Variants in MAGI1 observed in about 807,000 individuals in gnomAD.
MAGI1 encodes membrane-associated guanylate kinase, WW and PDZ domain-containing protein 1.
Under a neutral mutation model 139.9 loss-of-function variants are expected in MAGI1, and 58 were observed. That is an observed-to-expected ratio of 0.41 (90% confidence interval 0.34 to 0.52). The LOEUF (loss-of-function observed/expected upper bound fraction) is 0.52. Among genes scored for constraint, MAGI1 ranks in the 20% least tolerant of loss-of-function variants. The probability of loss-of-function intolerance (pLI) is 0.12; values close to 1 mark genes in which losing one functional copy is unlikely to be tolerated. For synonymous variants in MAGI1, 812 were observed against 737.9 expected, an observed-to-expected ratio of 1.10 and a Z score of -1.63; for missense variants, 1,874 against 1,901.6, an observed-to-expected ratio of 0.99 and a Z score of 0.27.
At chr3:65,500,472 A>T (rs1187350865) in intron 2 of MAGI1, among the ~76,000 whole-genome samples, 1 of 152,208 alleles carries the variant, frequency 6.6e-6, no homozygotes, top group African/African-American at 2.4e-5. Context: ...CTGGCTTCAG[A>T]GACTCCTGCT....
intron 1 of MAGI1, among the ~76,000 whole-genome samples, chr3:65,755,195 G>A (rs988175308): frequency 2.0e-5 from 3 of 151,996 alleles, no homozygotes; most frequent in South Asian, 2.1e-4. Flanking sequence ...TGATCTGCCC[G>A]CCCCAGCCTC....
rs373866154 is a variant in MAGI1, at chr3:65,789,733, G to C, written c.314-167645C>G. On this transcript the variant is annotated intron_variant, in intron 1 of 22. Coordinates refer to ENST00000402939, the MANE Select transcript of MAGI1 (RefSeq NM_001033057.2). ...GCCCACGGCCCTATGGCTGCAATTA[G>C]GGACCTAAAACTGATGAGCACTAGG... Among the ~76,000 whole-genome samples, 7 of 152,264 alleles carry C rather than the reference G, an allele frequency of 4.6e-5. No homozygotes were observed. The East Asian group carries it at 1.4e-3, about 29-fold the overall frequency.
chr3:65,690,096 T>G (rs2088439525), intron 1 of MAGI1, among the ~76,000 whole-genome samples: 4 of 152,182 alleles, frequency 2.6e-5, no homozygotes, highest in Admixed American at 2.6e-4. Context: ...AGGAAAGGAC[T>G]CACTGGGCCC....
chr3:65,934,953 T>C (rs1202591214), intron 1 of MAGI1, among the ~76,000 whole-genome samples: 1 of 152,006 alleles, frequency 6.6e-6, no homozygotes, highest in East Asian at 1.9e-4. Context: ...ACAACACAGA[T>C]ACCAGTCCTG....
At chr3:65,677,623 A>C (rs573246219) in intron 1 of MAGI1, among the ~76,000 whole-genome samples, 6 of 152,194 alleles carry the variant, frequency 3.9e-5, no homozygotes, top group Non-Finnish European at 2.9e-5. Flanking sequence ...GAGAATCATC[A>C]CTTTGTGTTC....
chr3:65,687,064 G>A (rs1048347622), intron 1 of MAGI1, among the ~76,000 whole-genome samples: 23 of 152,242 alleles, frequency 1.5e-4, no homozygotes, highest in Admixed American at 7.2e-4. Context: ...ACGTGGTCAC[G>A]GAAGAGCAGT....
At chr3:65,791,498 A>G (rs2039768077) in intron 1 of MAGI1, among the ~76,000 whole-genome samples, 1 of 152,220 alleles carries the variant, frequency 6.6e-6, no homozygotes, top group African/African-American at 2.4e-5. Context: ...ACAAATGAGA[A>G]TATTTATTAT....
intron 1 of MAGI1, chr3:65,874,926 A>G (rs2060063076): frequency 6.6e-6 from 1 of 152,656 alleles, no homozygotes; most frequent in Non-Finnish European, 1.5e-5. Flanking sequence ...AGCCATTAAA[A>G]GGAATGAAAA....
chr3:65,418,958 T>C (rs1359959623), intron 12 of MAGI1, among the ~76,000 whole-genome samples: 1 of 152,188 alleles, frequency 6.6e-6, no homozygotes, highest in Non-Finnish European at 1.5e-5. Flanking sequence ...CACTGTCTTC[T>C]CTTGGGTTCT....
rs560265109 is a variant in MAGI1, at chr3:65,987,412, C to A, written c.313+50584G>T. ...ACAGACATTTGTAAGTCAACGAACA[C>A]AGTGCTTGGCATATGAAGCTAAGAT... On this transcript the variant is annotated intron_variant, in intron 1 of 22. Transcript: ENST00000402939. Among the ~76,000 whole-genome samples, 3 of 152,240 alleles carry A rather than the reference C, an allele frequency of 2.0e-5. No homozygotes were observed. In the South Asian group the frequency reaches 6.2e-4, roughly 32 times the overall value.
chr3:65,407,986 G>A (rs1945491043), intron 12 of MAGI1, among the ~76,000 whole-genome samples: 1 of 152,078 alleles, frequency 6.6e-6, no homozygotes. Flanking sequence ...CTGGGTCATG[G>A]CCTTGATTGA....
intron 1 of MAGI1, among the ~76,000 whole-genome samples, chr3:65,749,547 T>C (rs534349578): frequency 2.0e-4 from 31 of 152,094 alleles, no homozygotes; most frequent in African/African-American, 7.5e-4. Flanking sequence ...GGATGAGGGA[T>C]AAAAGACTAC....
At chr3:65,988,561 G>C (rs1232548776) in intron 1 of MAGI1, among the ~76,000 whole-genome samples, 1 of 152,124 alleles carries the variant, frequency 6.6e-6, no homozygotes, top group Non-Finnish European at 1.5e-5. Flanking sequence ...ACACAACAAA[G>C]AACACAATGA....
chr3:65,881,066 T>C (rs1050826981), intron 1 of MAGI1, among the ~76,000 whole-genome samples: 7 of 151,990 alleles, frequency 4.6e-5, no homozygotes. Context: ...TAGTATTTTT[T>C]GTAGATACAG....
intron 7 of MAGI1, among the ~76,000 whole-genome samples, chr3:65,444,766 T>C (rs1269042006): frequency 6.6e-6 from 1 of 152,056 alleles, no homozygotes; most frequent in African/African-American, 2.4e-5. Flanking sequence ...AACTTAATAT[T>C]CTAGAGTTGA....
At chr3:65,792,839 G>A (rs567022515) in intron 1 of MAGI1, among the ~76,000 whole-genome samples, 1 of 152,190 alleles carries the variant, frequency 6.6e-6, no homozygotes, top group South Asian at 2.1e-4. Flanking sequence ...ACAGTTGACC[G>A]TGTATAACTG....
At chr3:65,919,866 C>G (rs1431230628) in intron 1 of MAGI1, among the ~76,000 whole-genome samples, 1 of 152,192 alleles carries the variant, frequency 6.6e-6, no homozygotes, top group Non-Finnish European at 1.5e-5. Context: ...CAGTTTTAGC[C>G]AGACATCACA....
At chr3:65,843,005 C>G (rs1466237129) in intron 1 of MAGI1, among the ~76,000 whole-genome samples, 1 of 152,160 alleles carries the variant, frequency 6.6e-6, no homozygotes, top group Non-Finnish European at 1.5e-5. Context: ...CTTACACATC[C>G]ATAATATGTA....
At chr3:65,830,072 T>C (rs145502570) in intron 1 of MAGI1, among the ~76,000 whole-genome samples, 7 of 152,274 alleles carry the variant, frequency 4.6e-5, no homozygotes, top group Non-Finnish European at 7.4e-5. Flanking sequence ...CTGGTACACA[T>C]ACAGAGGCAA....
Sources: allele counts gnomAD v4.1 joint callset (sites outside exome capture counted in the v4.1 genomes callset), GRCh38; gene constraint gnomAD v4.1.1; transcripts MANE v1.5; gene names NCBI Gene and HGNC (gene_info 2026-07-23, HGNC 2026-07-21).